Variants in PPP2R2B observed in about 807,000 individuals in gnomAD.
The protein encoded by PPP2R2B is protein phosphatase 2 regulatory subunit Bbeta.
A neutral mutation model predicts 46.0 loss-of-function variants in PPP2R2B; 5 were observed. The ratio of observed to expected loss-of-function variants is 0.11; its 90% CI spans 0.06 to 0.23. The LOEUF (loss-of-function observed/expected upper bound fraction) is 0.23. PPP2R2B is among the 10% of genes least tolerant of loss of function. The pLI is 1.00. For missense variants in PPP2R2B, 367 were observed against 575.0 expected (o/e 0.64, Z 3.70); for synonymous variants, 215 against 206.7 (o/e 1.04, Z -0.34).
At chr5:146,973,617 T>A (rs1752763009) in intron 1 of PPP2R2B, among the ~76,000 whole-genome samples, 1 of 152,202 alleles carries the variant, frequency 6.6e-6, no homozygotes, top group Non-Finnish European at 1.5e-5. Context: ...TCCTCACGTA[T>A]AACTCAACCC....
intron 2 of PPP2R2B, among the ~76,000 whole-genome samples, chr5:146,724,120 G>C (rs895368219): frequency 1.5e-3 from 227 of 152,286 alleles, no homozygotes; most frequent in African/African-American, 5.4e-3. Flanking sequence ...GCAGCTATGA[G>C]TCTATACAGA....
intron 2 of PPP2R2B, among the ~76,000 whole-genome samples, chr5:146,838,170 T>A (rs542251663): frequency 3.3e-5 from 5 of 152,164 alleles, no homozygotes; most frequent in African/African-American, 1.2e-4. Flanking sequence ...TTGCATATAG[T>A]CTCTAATACT....
At chr5:146,722,560 T>A (rs542930206) in intron 2 of PPP2R2B, among the ~76,000 whole-genome samples, 1 of 152,170 alleles carries the variant, frequency 6.6e-6, no homozygotes, top group African/African-American at 2.4e-5. Context: ...CTACAAAATA[T>A]GCTACAAAGA....
At chr5:147,053,232 G>A (rs1164536931) in intron 1 of PPP2R2B, among the ~76,000 whole-genome samples, 3 of 144,768 alleles carry the variant, frequency 2.1e-5, no homozygotes, top group African/African-American at 5.1e-5. Flanking sequence ...AAAAACACAC[G>A]CGCACACAAA....
intron 1 of PPP2R2B, among the ~76,000 whole-genome samples, chr5:147,053,465 C>G (rs2151904011): frequency 6.6e-6 from 1 of 151,484 alleles, no homozygotes; most frequent in South Asian, 2.1e-4. Flanking sequence ...TGCACTTTTT[C>G]AAATTAATAA....
chr5:146,691,309 G>GA, intron 4 of PPP2R2B, 69 bp from the exon 5 acceptor site: 1 of 1,296,770 alleles, frequency 7.7e-7, no homozygotes, highest in African/African-American at 1.5e-5. Context: ...TTTTCCTGGG[G>GA]GCAATGGGGA....
chr5:146,975,513 C>T (rs909725432), intron 1 of PPP2R2B, among the ~76,000 whole-genome samples: 2 of 152,002 alleles, frequency 1.3e-5, no homozygotes, highest in Non-Finnish European at 2.9e-5. Context: ...TTTTTTTTGG[C>T]TATATATCTG....
chr5:146,902,778 A>G (rs1275932518), intron 1 of PPP2R2B, among the ~76,000 whole-genome samples: 3 of 152,302 alleles, frequency 2.0e-5, no homozygotes, highest in South Asian at 2.1e-4. Context: ...GTCCTAATCT[A>G]TACTTCCCAA....
intron 1 of PPP2R2B, among the ~76,000 whole-genome samples, chr5:146,977,928 C>T (rs891583019): frequency 3.9e-5 from 6 of 152,156 alleles, no homozygotes; most frequent in Admixed American, 3.3e-4. Flanking sequence ...ATTTCTGGTT[C>T]TAGATCCTTG....
At chr5:146,729,089 T>A (rs1301629274) in intron 2 of PPP2R2B, among the ~76,000 whole-genome samples, 1 of 152,198 alleles carries the variant, frequency 6.6e-6, no homozygotes, top group African/African-American at 2.4e-5. Flanking sequence ...ACTTGTTGAA[T>A]GGCTGTGTCC....
In PPP2R2B at chr5:146,937,028, G is replaced by A. The variant is rs377077053; in HGVS notation, c.79+118637C>T. Among the ~76,000 whole-genome samples, 4 of 152,314 alleles carry A rather than the reference G, an allele frequency of 2.6e-5. No homozygotes were observed. The South Asian group carries it at 8.3e-4, about 32-fold the overall frequency. On this transcript the variant is annotated intron_variant, in intron 1 of 8. Transcript: ENST00000336640. ...TTTAAAAGTGGTTACTAGGCTAGGT[G>A]TGGTTGCTCACGTCTGTAATCCCAG...
intron 2 of PPP2R2B, among the ~76,000 whole-genome samples, chr5:146,859,570 A>G (rs1337490781): frequency 6.6e-6 from 1 of 152,324 alleles, no homozygotes; most frequent in South Asian, 2.1e-4. Context: ...CAGCTTATCT[A>G]TCTAACAATC....
chr5:146,765,026 G>T (rs963539491), intron 2 of PPP2R2B, among the ~76,000 whole-genome samples: 1 of 152,142 alleles, frequency 6.6e-6, no homozygotes, highest in Non-Finnish European at 1.5e-5. Context: ...ACACATAGAG[G>T]TTTCAGAAGA....
intron 2 of PPP2R2B, among the ~76,000 whole-genome samples, chr5:146,849,730 G>A (rs944281179): frequency 1.3e-5 from 2 of 152,112 alleles, no homozygotes; most frequent in African/African-American, 2.4e-5. Flanking sequence ...AAGGATTCAG[G>A]CTTCCTTGAA....
intron 1 of PPP2R2B, among the ~76,000 whole-genome samples, chr5:146,925,459 ATTC>A (rs1284931890): frequency 2.6e-5 from 4 of 152,056 alleles, no homozygotes; most frequent in African/African-American, 7.2e-5. Flanking sequence ...TGGATGTGCT[ATTC>A]TTCTTCCTTC....
intron 1 of PPP2R2B, among the ~76,000 whole-genome samples, chr5:146,994,098 C>T (rs779221120): frequency 7.1e-4 from 108 of 152,272 alleles, no homozygotes; most frequent in Admixed American, 2.5e-3. Context: ...GGCTCTTACT[C>T]GGCTGTGTCC....
chr5:146,672,860 T>C (rs1400527346), intron 5 of PPP2R2B, among the ~76,000 whole-genome samples: 6 of 152,266 alleles, frequency 3.9e-5, no homozygotes, highest in Non-Finnish European at 8.8e-5. Context: ...CATTCTATTC[T>C]AGATATATTT....
chr5:146,727,661 A>C (rs1751959189), intron 2 of PPP2R2B, among the ~76,000 whole-genome samples: 1 of 152,152 alleles, frequency 6.6e-6, no homozygotes, highest in African/African-American at 2.4e-5. Flanking sequence ...TGTACCCGTA[A>C]GTCAAAAAGA....
chr5:147,051,678 C>A (rs554875085), intron 1 of PPP2R2B, among the ~76,000 whole-genome samples: 1 of 151,744 alleles, frequency 6.6e-6, no homozygotes, highest in African/African-American at 2.4e-5. Flanking sequence ...GTGCCTGGTG[C>A]CAAATTAGGT....
Sources: allele counts gnomAD v4.1 joint callset (sites outside exome capture counted in the v4.1 genomes callset), GRCh38; gene constraint gnomAD v4.1.1; transcripts MANE v1.5; gene names NCBI Gene and HGNC (gene_info 2026-07-23, HGNC 2026-07-21).